The following CNTN5 variants were observed in gnomAD, a reference collection of about 807,000 sequenced individuals.
CNTN5 encodes the protein contactin 5, also known as contactin-5.
Under a neutral mutation model 129.1 loss-of-function variants are expected in CNTN5, and 77 were observed. The ratio of observed to expected loss-of-function variants is 0.60; its 90% confidence interval spans 0.50 to 0.72. The LOEUF (loss-of-function observed/expected upper bound fraction) is 0.72, where lower values mean the gene tolerates loss of function less well. CNTN5 is among the 30% of genes least tolerant of loss of function. The pLI is 0.00. For missense variants in CNTN5, 1,478 were observed against 1,328.8 expected (o/e 1.11, Z -1.75); for synonymous variants, 509 against 465.6 (o/e 1.09, Z -1.20).
intron 13 of CNTN5, among the ~76,000 whole-genome samples, chr11:100,134,815 C>G (rs17624571): frequency 0.095 from 14,456 of 152,194 alleles, 863 homozygotes; most frequent in Non-Finnish European, 0.13. Flanking sequence ...CTACCAAATA[C>G]AAGCACAGTG....
At chr11:99,290,964 A>G (rs575531667) in intron 1 of CNTN5, among the ~76,000 whole-genome samples, 1 of 151,858 alleles carries the variant, frequency 6.6e-6, no homozygotes, top group Non-Finnish European at 1.5e-5. Context: ...AATATACTCT[A>G]TGATGTGTTA....
chr11:100,075,740 G>T (rs11222669), intron 13 of CNTN5, among the ~76,000 whole-genome samples: 37,358 of 151,974 alleles, frequency 0.25, 5,044 homozygotes, highest in East Asian at 0.42. Flanking sequence ...AATCTTTCTA[G>T]GTTTTATAGT....
chr11:99,400,910 A>G (rs1231026894), intron 2 of CNTN5, among the ~76,000 whole-genome samples: 1 of 152,122 alleles, frequency 6.6e-6, no homozygotes, highest in Non-Finnish European at 1.5e-5. Context: ...TGTTTTGCCC[A>G]TTTTAAAATT....
intron 13 of CNTN5, among the ~76,000 whole-genome samples, chr11:100,141,742 T>C (rs1339315656): frequency 6.6e-6 from 1 of 152,082 alleles, no homozygotes; most frequent in African/African-American, 2.4e-5. Flanking sequence ...ATTTAACTGG[T>C]GATTAAGTTA....
chr11:100,056,693 A>T (rs1943240210), intron 9 of CNTN5, among the ~76,000 whole-genome samples: 1 of 151,740 alleles, frequency 6.6e-6, no homozygotes, highest in Non-Finnish European at 1.5e-5. Context: ...TCTCAGTCTG[A>T]CAGATCAGTG....
chr11:99,281,538 A>G (rs1028882066), intron 1 of CNTN5, among the ~76,000 whole-genome samples: 1 of 151,872 alleles, frequency 6.6e-6, no homozygotes, highest in Non-Finnish European at 1.5e-5. Flanking sequence ...ACCTGGGAAT[A>G]AGTGCATCCT....
At chr11:99,579,737 C>T (rs531455844) in intron 3 of CNTN5, among the ~76,000 whole-genome samples, 227 of 146,944 alleles carry the variant, frequency 1.5e-3, no homozygotes, top group African/African-American at 4.9e-3. Flanking sequence ...TGGGCTGAGA[C>T]GATGGGGTTT....
chr11:99,472,704 G>T (rs2406930), intron 2 of CNTN5, among the ~76,000 whole-genome samples: 3 of 151,688 alleles, frequency 2.0e-5, no homozygotes, highest in South Asian at 2.1e-4. Flanking sequence ...AGTCTCACTC[G>T]GTTGCCCAGG....
intron 8 of CNTN5, 78 bp downstream of exon 8, chr11:99,957,087 T>G: frequency 8.1e-7 from 1 of 1,237,756 alleles, no homozygotes; most frequent in Non-Finnish European, 1.1e-6. Flanking sequence ...TGTTTTTTTT[T>G]TAAGACCTGG....
At chr11:99,272,236 G>C (rs1028231815) in intron 1 of CNTN5, among the ~76,000 whole-genome samples, 2 of 151,442 alleles carry the variant, frequency 1.3e-5, no homozygotes, top group African/African-American at 4.8e-5. Context: ...TTTAAATATT[G>C]TCTTGTGCTG....
At chr11:99,623,374 T>G (rs1384881742) in intron 3 of CNTN5, among the ~76,000 whole-genome samples, 1 of 152,126 alleles carries the variant, frequency 6.6e-6, no homozygotes, top group Admixed American at 6.6e-5. Context: ...TAAGTTTTGC[T>G]TTTCTTTGCA....
At chr11:99,109,433 T>A (rs79163276) in intron 1 of CNTN5, among the ~76,000 whole-genome samples, 1,546 of 152,184 alleles carry the variant, frequency 0.01, 35 homozygotes, top group African/African-American at 0.036. Context: ...TTATACTTTT[T>A]TTTGCACAAA....
chr11:99,211,985 C>G (rs554565883), intron 1 of CNTN5, among the ~76,000 whole-genome samples: 3 of 152,118 alleles, frequency 2.0e-5, no homozygotes, highest in African/African-American at 7.2e-5. Flanking sequence ...CAAAAAAATG[C>G]TTTTTGGAAG....
At chr11:100,049,028 T>C (rs1286756439) in intron 9 of CNTN5, among the ~76,000 whole-genome samples, 1 of 152,054 alleles carries the variant, frequency 6.6e-6, no homozygotes, top group African/African-American at 2.4e-5. Context: ...TTAGCTAAAA[T>C]AATTTGCTGC....
At position 99,918,704 on chromosome 11, in the gene CNTN5, T is replaced by A. The variant is rs537731322; in HGVS notation, c.673+2555T>A. On this transcript the variant is annotated intron_variant, in intron 7 of 24. Coordinates refer to ENST00000524871, the MANE Select transcript of CNTN5 (RefSeq NM_014361.4). ...TATAGCATAGTGTACTATAGTAGAG[T>A]ATAAGTCAGATACAAAAGAATTTCC... 3.9e-5 allele frequency among the ~76,000 whole-genome samples: 6 copies of A among 152,264 alleles called. No homozygotes were observed. In the East Asian group the frequency reaches 1.2e-3, roughly 29 times the overall value.
intron 3 of CNTN5, among the ~76,000 whole-genome samples, chr11:99,676,253 A>C (rs1185244084): frequency 1.3e-5 from 2 of 152,214 alleles, no homozygotes; most frequent in African/African-American, 4.8e-5. Flanking sequence ...TAAAGATTTA[A>C]TATATGATTG....
chr11:99,751,202 C>T (rs1422771650), intron 3 of CNTN5, among the ~76,000 whole-genome samples: 3 of 151,904 alleles, frequency 2.0e-5, no homozygotes, highest in Non-Finnish European at 2.9e-5. Context: ...CTGGGTGTGG[C>T]GGTGGGTGCC....
rs750677787 is a variant in CNTN5 at position 100,356,846 on chromosome 11, G to T, written c.*626G>T. Reference sequence around the variant, plus strand: ...TGCACCCCTAGAGCAAGTCATTAGGGTAGGGAATAAGCCATTTACATTAGT... The same window carrying T: ...TGCACCCCTAGAGCAAGTCATTAGGTTAGGGAATAAGCCATTTACATTAGT... On this transcript the variant is annotated 3_prime_UTR_variant, in exon 25 of 25. Coordinates refer to ENST00000524871, the MANE Select transcript of CNTN5 (RefSeq NM_014361.4). 1 of 152,004 alleles carries T rather than the reference G, an allele frequency of 6.6e-6. No individual in the cohort carries two copies. Among genetic ancestry groups the T allele is most frequent in the Non-Finnish European group, 1.5e-5 (1 of 68,022 alleles). The allele number at this position is 152,004 out of a possible 1,614,324, so 9.4% of individuals were successfully genotyped here.
chr11:99,796,776 G>A (rs1945956391), intron 3 of CNTN5, among the ~76,000 whole-genome samples: 1 of 152,070 alleles, frequency 6.6e-6, no homozygotes, highest in Admixed American at 6.6e-5. Flanking sequence ...ATCCCTGGCT[G>A]AGCTTCACTG....
Sources: allele counts gnomAD v4.1 joint callset (sites outside exome capture counted in the v4.1 genomes callset), GRCh38; gene constraint gnomAD v4.1.1; transcripts MANE v1.5; gene names NCBI Gene and HGNC (gene_info 2026-07-23, HGNC 2026-07-21).